KLF15: variants seen among roughly 807,000 people sequenced by gnomAD.
KLF15 encodes Krueppel-like factor 15.
KLF15 carries 4 observed loss-of-function variants against 24.6 expected under a neutral mutation model. The ratio of observed to expected loss-of-function variants is 0.16; its 90% confidence interval spans 0.08 to 0.37. KLF15 has a LOEUF of 0.37. Among genes scored for constraint, KLF15 ranks in the 10% least tolerant of loss-of-function variants. KLF15 has a pLI of 1.00. For missense variants in KLF15, 496 were observed against 560.6 expected, an observed-to-expected ratio of 0.88 and a Z score of 1.16; for synonymous variants, 246 against 236.3, an observed-to-expected ratio of 1.04 and a Z score of -0.37.
chr3:126,293,507 C>CT, the KLF15 span, among the ~76,000 whole-genome samples: 1 of 152,124 alleles, frequency 6.6e-6, no homozygotes, highest in African/African-American at 2.4e-5. Context: ...CATTTCTGGC[C>CT]TGTGTAAGCA....
chr3:126,345,435 G>T (rs531471168), intron 2 of KLF15, among the ~76,000 whole-genome samples: 159 of 152,106 alleles, frequency 1.0e-3, no homozygotes, highest in Admixed American at 2.0e-3. Flanking sequence ...GCAGCCCTAG[G>T]GGGGCAGACA....
At chr3:126,304,601 C>T in the KLF15 span, among the ~76,000 whole-genome samples, 28 of 152,328 alleles carry the variant, frequency 1.8e-4, no homozygotes, top group South Asian at 2.3e-3. Context: ...GAAATGCTCT[C>T]GAGGCAATAA....
downstream of KLF15, among the ~76,000 whole-genome samples, chr3:126,338,948 C>T (rs532098847): frequency 9.9e-5 from 15 of 152,218 alleles, no homozygotes; most frequent in Non-Finnish European, 1.5e-4. Context: ...CAGCAGGGAA[C>T]GTCCCGGCTG....
chr3:126,341,065 C>A (rs545486271), downstream of KLF15, among the ~76,000 whole-genome samples: 4 of 152,156 alleles, frequency 2.6e-5, no homozygotes, highest in Non-Finnish European at 5.9e-5. Context: ...GAGCTGGAGC[C>A]CAGGATCAAC....
chr3:126,312,206 C>T, the KLF15 span, among the ~76,000 whole-genome samples: 2 of 152,322 alleles, frequency 1.3e-5, no homozygotes, highest in East Asian at 3.9e-4. Context: ...GAGTTAGGGT[C>T]TTGCTTTGTC....
intron 2 of KLF15, among the ~76,000 whole-genome samples, chr3:126,344,401 G>T (rs1345596603): frequency 6.6e-6 from 1 of 152,182 alleles, no homozygotes; most frequent in South Asian, 2.1e-4. Context: ...TACAGTAAAG[G>T]CTCATGCTGG....
the KLF15 span, among the ~76,000 whole-genome samples, chr3:126,324,936 T>G: frequency 2.8e-5 from 3 of 106,136 alleles, no homozygotes; most frequent in African/African-American, 7.7e-5. Context: ...ATTAGGTATA[T>G]CTCCCAATGC....
chr3:126,311,077 G>C, the KLF15 span, among the ~76,000 whole-genome samples: 3 of 152,190 alleles, frequency 2.0e-5, no homozygotes, highest in Non-Finnish European at 2.9e-5. Flanking sequence ...GGCTGGGGAG[G>C]GTCTTCCTGA....
the KLF15 span, among the ~76,000 whole-genome samples, chr3:126,312,286 A>G: frequency 1.3e-5 from 2 of 152,178 alleles, no homozygotes; most frequent in African/African-American, 4.8e-5. Flanking sequence ...GGATCCTCCC[A>G]CTTCAGCCTC....
rs575905344 is a variant in KLF15 at position 126,351,714 on chromosome 3, G to A, written c.1082+127C>T. The A allele has an allele frequency of 8.2e-6, 9 of 1,099,034 alleles. No homozygotes were observed. In the Admixed American group the frequency reaches 1.1e-4, roughly 13 times the overall value. 68.1% of individuals were successfully genotyped at this position (1,099,034 alleles called of 1,614,324 possible). A position where few individuals can be genotyped will look rare whatever the true frequency, so the allele number is the denominator to read the frequency against. On this transcript the variant is annotated intron_variant, in intron 2 of 2. Coordinates refer to ENST00000296233, the MANE Select transcript of KLF15 (RefSeq NM_014079.4). Reference sequence around the variant, plus strand: ...CTGTGCCAGCTCTGGGCCTGCACCCGCCTGCCCCTCCCTCCCCTCCCTCAT... The same window carrying A: ...CTGTGCCAGCTCTGGGCCTGCACCCACCTGCCCCTCCCTCCCCTCCCTCAT...
downstream of KLF15, among the ~76,000 whole-genome samples, chr3:126,337,873 G>T (rs2082450403): frequency 6.6e-6 from 1 of 152,178 alleles, no homozygotes; most frequent in South Asian, 2.1e-4. Flanking sequence ...GGAATTTGAA[G>T]TTCCAGGAGG....
chr3:126,323,054 T>C, the KLF15 span, among the ~76,000 whole-genome samples: 1 of 151,608 alleles, frequency 6.6e-6, no homozygotes, highest in Non-Finnish European at 1.5e-5. Context: ...TTTTATTTGC[T>C]GTGATTATAC....
At position 126,342,910 on chromosome 3, in the gene KLF15, G is replaced by T. The variant is rs1407125877; in HGVS notation, c.*817C>A. On this transcript the variant is annotated 3_prime_UTR_variant, in exon 3 of 3. Coordinates refer to ENST00000296233, the MANE Select transcript of KLF15 (RefSeq NM_014079.4). ...AATAAGGAATGCATTTCTAAATCAGGGTTGGGAGGCTCTATCTAGTTCTCT... is the reference window on the plus strand; with the variant it reads ...AATAAGGAATGCATTTCTAAATCAGTGTTGGGAGGCTCTATCTAGTTCTCT... 6.6e-6 allele frequency: 1 copy of T among 151,876 alleles called. No homozygotes were observed. Among genetic ancestry groups the T allele is most frequent in the African/African-American group, 2.4e-5 (1 of 40,964 alleles). 9.4% of individuals were successfully genotyped at this position (151,876 alleles called of 1,614,324 possible).
chr3:126,344,698 C>A (rs181063615), intron 2 of KLF15, among the ~76,000 whole-genome samples: 1 of 152,362 alleles, frequency 6.6e-6, no homozygotes, highest in African/African-American at 2.4e-5. Context: ...GAGGAGGAAG[C>A]AGCACAGGGA....
chr3:126,302,204 A>T, the KLF15 span, among the ~76,000 whole-genome samples: 3 of 152,138 alleles, frequency 2.0e-5, no homozygotes, highest in South Asian at 6.2e-4. Context: ...TCTTTTAGTT[A>T]TTGATTTCTA....
intron 1 of KLF15, among the ~76,000 whole-genome samples, chr3:126,354,773 T>C (rs1038917925): frequency 6.6e-6 from 1 of 152,240 alleles, no homozygotes; most frequent in African/African-American, 2.4e-5. Context: ...CACTCCACCC[T>C]GGGCCTCCCC....
the KLF15 span, among the ~76,000 whole-genome samples, chr3:126,299,833 G>A: frequency 0.025 from 3,708 of 151,312 alleles, 110 homozygotes; most frequent in African/African-American, 0.074. Context: ...GGGAGAAGGC[G>A]GCCATCTGCA....
At chr3:126,309,845 T>C in the KLF15 span, among the ~76,000 whole-genome samples, 118 of 152,284 alleles carry the variant, frequency 7.7e-4, no homozygotes, top group African/African-American at 2.7e-3. Context: ...ACCCCAGTGA[T>C]AAGGGTGCCC....
At chr3:126,310,975 C>T in the KLF15 span, among the ~76,000 whole-genome samples, 4 of 152,112 alleles carry the variant, frequency 2.6e-5, no homozygotes, top group South Asian at 2.1e-4. Flanking sequence ...CCATCGCCAC[C>T]GCGGCCCACT....
Sources: gnomAD v4.1 joint callset for allele counts (sites outside exome capture counted in the v4.1 genomes callset) on GRCh38, gnomAD v4.1.1 for gene constraint, MANE v1.5 for transcripts, NCBI Gene and HGNC (gene_info 2026-07-23, HGNC 2026-07-21) for gene names.